Variants in LIN9 observed in about 807,000 individuals in gnomAD.
LIN9 encodes the protein lin-9 DREAM MuvB core complex component, also known as protein lin-9 homolog.
Under a neutral mutation model 78.0 loss-of-function variants are expected in LIN9, and 18 were observed. The ratio of observed to expected loss-of-function variants is 0.23; its 90% CI spans 0.16 to 0.34. LIN9 has a LOEUF of 0.34. LIN9 is among the 10% of genes least tolerant of loss of function. LIN9 has a pLI of 1.00. For synonymous variants in LIN9, 192 were observed against 215.2 expected (o/e 0.89, Z 0.94); for missense variants, 451 against 644.1 (o/e 0.70, Z 3.25).
intron 4 of LIN9, among the ~76,000 whole-genome samples, chr1:226,292,261 A>G (rs371182340): frequency 1.3e-5 from 2 of 152,126 alleles, no homozygotes; most frequent in African/African-American, 4.8e-5. Context: ...CCCAGATTCA[A>G]GTGATTCTCC....
chr1:226,283,277 A>ATT (rs1558192477), intron 6 of LIN9, among the ~76,000 whole-genome samples: 59 of 97,516 alleles, frequency 6.1e-4, no homozygotes, highest in African/African-American at 2.2e-3. Context: ...GTAATTTTTG[A>ATT]ATTTTTTTTT....
intron 10 of LIN9, among the ~76,000 whole-genome samples, chr1:226,263,328 G>A (rs957898025): frequency 2.6e-5 from 4 of 152,150 alleles, no homozygotes; most frequent in Non-Finnish European, 5.9e-5. Context: ...TGTAACAAAT[G>A]TACCATCTGC....
At chr1:226,255,867 A>G (rs1187407697) in intron 10 of LIN9, among the ~76,000 whole-genome samples, 1 of 152,192 alleles carries the variant, frequency 6.6e-6, no homozygotes, top group East Asian at 1.9e-4. Context: ...TTGTGGGACA[A>G]CTACAAAAGG....
chr1:226,254,509 G>A (rs1000671752), intron 10 of LIN9, among the ~76,000 whole-genome samples: 1 of 151,964 alleles, frequency 6.6e-6, no homozygotes, highest in African/African-American at 2.4e-5. Flanking sequence ...TTTAAATTAA[G>A]TACTAAAATC....
intron 10 of LIN9, among the ~76,000 whole-genome samples, chr1:226,257,396 A>G (rs1333021803): frequency 2.0e-5 from 3 of 152,270 alleles, no homozygotes; most frequent in African/African-American, 2.4e-5. Flanking sequence ...GTTCCAACAG[A>G]TAACAGTTTG....
At chr1:226,268,371 A>G (rs1660060150) in intron 7 of LIN9, among the ~76,000 whole-genome samples, 1 of 152,246 alleles carries the variant, frequency 6.6e-6, no homozygotes, top group African/African-American at 2.4e-5. Flanking sequence ...AAAAAAAACA[A>G]CAAAAGAACT....
intron 1 of LIN9, among the ~76,000 whole-genome samples, chr1:226,306,647 G>C (rs1198844082): frequency 6.6e-6 from 1 of 152,162 alleles, no homozygotes; most frequent in Admixed American, 6.5e-5. Flanking sequence ...AATATCCTTT[G>C]CATGGCATCT....
chr1:226,251,543 G>T (rs185834307), intron 10 of LIN9, among the ~76,000 whole-genome samples: 66 of 152,060 alleles, frequency 4.3e-4, no homozygotes, highest in African/African-American at 1.4e-3. Context: ...TGTATTTTTA[G>T]TAGAGACAGG....
At chr1:226,267,907 A>AAC (rs772147329) in intron 8 of LIN9, 50 bp downstream of exon 8, 3 of 1,557,146 alleles carry the variant, frequency 1.9e-6, no homozygotes, top group Admixed American at 3.8e-5. Flanking sequence ...AACTCTATAT[A>AAC]ACACATTTAA....
chr1:226,254,263 A>G (rs1398156858), intron 10 of LIN9, among the ~76,000 whole-genome samples: 1 of 152,232 alleles, frequency 6.6e-6, no homozygotes, highest in East Asian at 1.9e-4. Flanking sequence ...GGTGTGAACC[A>G]CTGTGCCTGG....
intron 10 of LIN9, among the ~76,000 whole-genome samples, chr1:226,253,418 C>T (rs554651404): frequency 1.9e-4 from 29 of 151,682 alleles, no homozygotes; most frequent in Admixed American, 3.9e-4. Context: ...CTCAGGCTCC[C>T]GAGTAGCTGG....
At chr1:226,268,426 TA>T (rs1287212545) in intron 7 of LIN9, among the ~76,000 whole-genome samples, 3 of 151,346 alleles carry the variant, frequency 2.0e-5, no homozygotes, top group Admixed American at 6.6e-5. Context: ...TAGTTCAATT[TA>T]AAAAAAAAGA....
chr1:226,261,960 T>C (rs1377170822), intron 10 of LIN9, among the ~76,000 whole-genome samples: 2 of 152,090 alleles, frequency 1.3e-5, no homozygotes, highest in East Asian at 3.9e-4. Context: ...AGCCCAGAAA[T>C]AAATCCACAT....
Position 226,239,412 on chromosome 1 carries a change from T to C in LIN9, c.1120-316A>G, listed in dbSNP as rs1266306135. On this transcript the variant is annotated intron_variant, in intron 11 of 14. Coordinates refer to ENST00000681046, the MANE Select transcript of LIN9 (RefSeq NM_001366245.2). The stretch of plus-strand genomic sequence containing the variant: ...TTATATTCGTCTTTCAACTTTTTCA[T>C]AGGATTGTTAGTTGTTAAACCGTAT... 3.3e-5 allele frequency among the ~76,000 whole-genome samples: 5 copies of C among 152,366 alleles called. No individual in the cohort carries two copies. The East Asian group carries it at 7.7e-4, about 23-fold the overall frequency.
At chr1:226,283,682 T>C (rs1558192838) in intron 6 of LIN9, among the ~76,000 whole-genome samples, 1 of 152,248 alleles carries the variant, frequency 6.6e-6, no homozygotes, top group East Asian at 1.9e-4. Context: ...GCATGGTAGC[T>C]CATACCCATA....
At chr1:226,286,628 C>T (rs547980816) in intron 5 of LIN9, among the ~76,000 whole-genome samples, 170 bp from the exon 6 acceptor site, 7 of 152,258 alleles carry the variant, frequency 4.6e-5, no homozygotes, top group South Asian at 4.2e-4. Context: ...CATCTAATGT[C>T]GTGTAAAAGT....
chr1:226,267,894 A>G, intron 8 of LIN9, 63 bp downstream of exon 8: 1 of 1,491,240 alleles, frequency 6.7e-7, no homozygotes, highest in Non-Finnish European at 9.0e-7. Context: ...CGATTTCTAA[A>G]AAAACTCTAT....
At chr1:226,275,121 A>G (rs1660555400) in intron 7 of LIN9, among the ~76,000 whole-genome samples, 1 of 152,186 alleles carries the variant, frequency 6.6e-6, no homozygotes, top group Non-Finnish European at 1.5e-5. Flanking sequence ...CGATCCCATC[A>G]CACTTGCTTT....
intron 10 of LIN9, among the ~76,000 whole-genome samples, chr1:226,254,248 T>C (rs1004972351): frequency 2.6e-5 from 4 of 152,186 alleles, no homozygotes; most frequent in Non-Finnish European, 5.9e-5. Flanking sequence ...AGTGCTGGGA[T>C]TGTAGGTGTG....
Sources: allele counts gnomAD v4.1 joint callset (sites outside exome capture counted in the v4.1 genomes callset), GRCh38; gene constraint gnomAD v4.1.1; transcripts MANE v1.5; gene names NCBI Gene and HGNC (gene_info 2026-07-23, HGNC 2026-07-21).